The following SRP72 variants were observed in gnomAD, a reference collection of about 807,000 sequenced individuals.
The protein encoded by SRP72 is signal recognition particle subunit SRP72.
In SRP72, 49 loss-of-function variants were observed where a neutral mutation model predicts 96.3. The observed-to-expected ratio is 0.51, with a 90% CI of 0.40 to 0.65. The LOEUF (loss-of-function observed/expected upper bound fraction) is 0.65, where lower values mean the gene tolerates loss of function less well. Among genes scored for constraint, SRP72 ranks in the 30% least tolerant of loss-of-function variants. SRP72 has a pLI of 0.00. For synonymous variants in SRP72, 267 were observed against 275.2 expected, an observed-to-expected ratio of 0.97 and a Z score of 0.30; for missense variants, 736 against 793.3, an observed-to-expected ratio of 0.93 and a Z score of 0.87.
At chr4:56,479,386 A>G (rs1288569503) in intron 8 of SRP72, among the ~76,000 whole-genome samples, 3 of 151,950 alleles carry the variant, frequency 2.0e-5, no homozygotes, top group Non-Finnish European at 4.4e-5. Flanking sequence ...TCACCATGTT[A>G]GCCAGGATGT....
chr4:56,496,204 C>T (rs1721069030), intron 17 of SRP72, among the ~76,000 whole-genome samples: 1 of 152,172 alleles, frequency 6.6e-6, no homozygotes, highest in Admixed American at 6.5e-5. Context: ...AGGAATCTAT[C>T]ATATAAATCA....
chr4:56,486,161 G>T, intron 10 of SRP72, 164 bp from the exon 11 acceptor site: 1 of 517,664 alleles, frequency 1.9e-6, no homozygotes, highest in Non-Finnish European at 3.5e-6. Context: ...GAAAAAAAGT[G>T]AGTGTTGAAT....
chr4:56,497,911 T>C (rs1010798158), intron 17 of SRP72, among the ~76,000 whole-genome samples: 5 of 152,172 alleles, frequency 3.3e-5, no homozygotes, highest in African/African-American at 1.2e-4. Context: ...TTTTAATTAG[T>C]GAGGGTGAAC....
At position 56,476,545 on chromosome 4, in the gene SRP72, C is replaced by T. The variant is rs192660671; in HGVS notation, c.611-126C>T. ...ATATTTGATGCTAATGTAAATTTCA[C>T]AACTGCTTGTTACTACGATTATCTT... On this transcript the variant is annotated intron_variant, in intron 5 of 18. Transcript: ENST00000642900. The T allele has an allele frequency of 2.1e-5, 21 of 977,438 alleles. No individual in the cohort carries two copies. The East Asian group carries it at 4.9e-4, about 23-fold the overall frequency. The allele number at this position is 977,438 out of a possible 1,614,324, so 60.5% of individuals were successfully genotyped here.
At chr4:56,500,094 C>T (rs1721209380) in intron 17 of SRP72, among the ~76,000 whole-genome samples, 1 of 152,078 alleles carries the variant, frequency 6.6e-6, no homozygotes, top group Non-Finnish European at 1.5e-5. Context: ...AACCATCAGT[C>T]TCAGCAAACT....
At chr4:56,480,053 C>A (rs1335084521) in intron 8 of SRP72, among the ~76,000 whole-genome samples, 1 of 152,100 alleles carries the variant, frequency 6.6e-6, no homozygotes, top group Non-Finnish European at 1.5e-5. Flanking sequence ...TCAAAGCTTT[C>A]CCCTTCTACT....
rs12505749 is a variant in SRP72 at position 56,467,946 on chromosome 4, C to G, written c.109+202C>G. 0.075 allele frequency among the ~76,000 whole-genome samples: 11,487 copies of G among 152,266 alleles called. 507 individuals carry two copies. Among genetic ancestry groups the G allele is most frequent in the Admixed American group, 0.12 (1,878 of 15,298 alleles). On this transcript the variant is annotated intron_variant, in intron 1 of 18. Coordinates refer to ENST00000642900, the MANE Select transcript of SRP72 (RefSeq NM_006947.4). Reference sequence around the variant, plus strand: ...CGGCTTCACCAGGCCAGCCTGGGGTCCCTGGTTGCTTACAGCCACGTGTAC... The same window carrying G: ...CGGCTTCACCAGGCCAGCCTGGGGTGCCTGGTTGCTTACAGCCACGTGTAC...
At chr4:56,497,782 T>A (rs1721129464) in intron 17 of SRP72, among the ~76,000 whole-genome samples, 3 of 152,176 alleles carry the variant, frequency 2.0e-5, no homozygotes, top group African/African-American at 4.8e-5. Flanking sequence ...ATTAAATTGC[T>A]TTCCACAAAG....
In SRP72 at chr4:56,471,701, T is replaced by A. The variant is rs770679554; in HGVS notation, c.231-19T>A. On this transcript the variant is annotated intron_variant, in intron 2 of 18. Coordinates refer to ENST00000642900, the MANE Select transcript of SRP72 (RefSeq NM_006947.4). ...ATTGTTAGATAATAATCAGATACTG[T>A]TTTTTTTTCCTTCTTCAGTAACTCT... 1.1e-4 allele frequency: 170 copies of A among 1,602,870 alleles called. No individual in the cohort carries two copies. Among genetic ancestry groups the A allele is most frequent in the Non-Finnish European group, 1.4e-4 (162 of 1,174,310 alleles).
At chr4:56,486,819 A>G (rs538814911) in intron 11 of SRP72, among the ~76,000 whole-genome samples, 1 of 152,180 alleles carries the variant, frequency 6.6e-6, no homozygotes, top group South Asian at 2.1e-4. Context: ...TTTGCCACCT[A>G]TGTCTTTGGG....
Position 56,469,596 on chromosome 4 carries a change from T to TA in SRP72, c.110-52dup. 7.5e-6 allele frequency: 11 copies of TA among 1,465,402 alleles called. No homozygotes were observed. The South Asian group carries it at 1.6e-4, about 22-fold the overall frequency. The allele number at this position is 1,465,402 out of a possible 1,614,324, so 90.8% of individuals were successfully genotyped here. A position where few individuals can be genotyped will look rare whatever the true frequency, so the allele number is the denominator to read the frequency against. ...GGAGAGACAGGGTGGGAAAATTTAG[T>TA]AAAAATGTGAAAAGGAAATGGATTT... On this transcript the variant is annotated intron_variant, in intron 1 of 18. Coordinates refer to ENST00000642900, the MANE Select transcript of SRP72 (RefSeq NM_006947.4).
At chr4:56,469,925 G>A in intron 2 of SRP72, 152 bp downstream of exon 2, 2 of 585,524 alleles carry the variant, frequency 3.4e-6, no homozygotes, top group Non-Finnish European at 5.2e-6. Flanking sequence ...TAATGTTTCT[G>A]AACTGGAAGG....
chr4:56,500,743 C>A (rs766078114), intron 18 of SRP72, 48 bp downstream of exon 18: 2 of 1,539,336 alleles, frequency 1.3e-6, no homozygotes, highest in Non-Finnish European at 1.8e-6. Flanking sequence ...TACGTTGTTT[C>A]TAGATTGACT....
intron 3 of SRP72, among the ~76,000 whole-genome samples, chr4:56,473,412 C>A (rs189316249): frequency 6.7e-6 from 1 of 149,874 alleles, no homozygotes; most frequent in African/African-American, 2.5e-5. Context: ...GAGCCGAGAT[C>A]GCGCCACTGC....
intron 16 of SRP72, among the ~76,000 whole-genome samples, chr4:56,491,947 G>A (rs762712222): frequency 5.9e-5 from 9 of 152,100 alleles, no homozygotes; most frequent in Non-Finnish European, 8.8e-5. Flanking sequence ...TGCAGCCTCC[G>A]CCTCCCGGGT....
At chr4:56,485,045 G>A (rs1050523093) in intron 10 of SRP72, among the ~76,000 whole-genome samples, 181 bp downstream of exon 10, 4 of 152,172 alleles carry the variant, frequency 2.6e-5, no homozygotes, top group African/African-American at 9.6e-5. Flanking sequence ...AAATTTCTTT[G>A]TGTTATATAA....
At chr4:56,470,210 A>C (rs531317740) in intron 2 of SRP72, among the ~76,000 whole-genome samples, 1 of 152,292 alleles carries the variant, frequency 6.6e-6, no homozygotes, top group East Asian at 1.9e-4. Flanking sequence ...TTCCTTTTAC[A>C]AGAGGAGGAG....
intron 13 of SRP72, among the ~76,000 whole-genome samples, chr4:56,489,815 G>A (rs568681500): frequency 6.6e-6 from 1 of 152,234 alleles, no homozygotes; most frequent in South Asian, 2.1e-4. Flanking sequence ...GAGCCCATGG[G>A]TGGTAGTAAT....
chr4:56,485,162 C>T (rs1023137834), intron 10 of SRP72, among the ~76,000 whole-genome samples: 1 of 152,136 alleles, frequency 6.6e-6, no homozygotes, highest in African/African-American at 2.4e-5. Flanking sequence ...AATTCCAGAA[C>T]ATACTTAACC....
Sources: allele counts gnomAD v4.1 joint callset (sites outside exome capture counted in the v4.1 genomes callset), GRCh38; gene constraint gnomAD v4.1.1; transcripts MANE v1.5; gene names NCBI Gene and HGNC (gene_info 2026-07-23, HGNC 2026-07-21).